The following BEND2 variants were observed in gnomAD, a reference collection of about 807,000 sequenced individuals.
BEND2 encodes BEN domain containing 2, also known as BEN domain-containing protein 2.
In BEND2, 19 loss-of-function variants were observed where a neutral mutation model predicts 43.8. The ratio of observed to expected loss-of-function variants is 0.43; its 90% CI spans 0.30 to 0.64. BEND2 has a LOEUF of 0.64. Among genes scored for constraint, BEND2 ranks in the 30% least tolerant of loss-of-function variants. The pLI, the probability that BEND2 is intolerant of heterozygous loss-of-function variation, is 0.11. For missense variants in BEND2, 544 were observed against 574.0 expected (o/e 0.95, Z 0.53); for synonymous variants, 226 against 210.1 (o/e 1.08, Z -0.66).
Position 18,213,803 on chromosome X carries a change from C to A in BEND2, c.347G>T (p.Trp116Leu). 6.0e-6 allele frequency: 1 copy of A among 167,655 alleles called. No homozygotes were observed. Among genetic ancestry groups the A allele is most frequent in the Non-Finnish European group, 1.2e-5 (1 of 86,445 alleles). 13.8% of individuals were successfully genotyped at this position (167,655 alleles called of 1,213,427 possible). ...QFFHLSLPSSWDDRRTPPCPV... is the reference protein window; with the variant it reads ...QFFHLSLPSSLDDRRTPPCPV... ...GCATGGTGGCGTGCGCCTGTCATCC[C>A]AGCTACTGGGAAGGCTGAGGTGGAA... The change falls in exon 3 of 14, where the codon TGG becomes TTG. Residue 116 changes from tryptophan to leucine, a missense_variant. By Grantham distance (61) the Trp-to-Leu change is moderately conservative (BLOSUM62 -2). Around this residue, in one of 2 missense-constraint regions of BEND2, gnomAD observed 501 missense variants for 501.6 expected, o/e 1.00. Coordinates refer to ENST00000380033, the MANE Select transcript of BEND2 (RefSeq NM_153346.5).
Position 18,165,044 on chromosome X carries a change from G to T in BEND2, c.2365C>A (p.Pro789Thr). The change falls in exon 14 of 14, where the codon CCA becomes ACA. Residue 789 changes from proline to threonine, a missense_variant. Physicochemically the swap from Pro to Thr is conservative, Grantham distance 38. Transcript: ENST00000380033. Reference protein sequence around the residue: ...TPPELEQESKPGDPDATDPST With the variant: ...TPPELEQESKTGDPDATDPST Reference sequence around the variant, plus strand: ...GGGTCAGTGGCGTCGGGATCTCCTGGCTTTGACTCCTGCTCCAGCTCTGGA... The same window carrying T: ...GGGTCAGTGGCGTCGGGATCTCCTGTCTTTGACTCCTGCTCCAGCTCTGGA... 8.3e-7 allele frequency: 1 copy of T among 1,209,900 alleles called. No individual in the cohort carries two copies.
At chrX:18,220,704 A>G in intron 1 of BEND2, 22 bp downstream of exon 1, 1 of 1,210,147 alleles carries the variant, frequency 8.3e-7, no homozygotes, top group Non-Finnish European at 1.1e-6. Context: ...CTAGCGGGCC[A>G]GTTGAGGCGA....
In BEND2 at chrX:18,214,160, C is replaced by G. The variant is rs758509847; in HGVS notation, c.239-249G>C. On this transcript the variant is annotated intron_variant, in intron 2 of 13. Coordinates refer to ENST00000380033, the MANE Select transcript of BEND2 (RefSeq NM_153346.5). The stretch of plus-strand genomic sequence containing the variant: ...ACAAGCCAGGTGTGGTGGCACGTGC[C>G]TATAGTTCCAGCTACACAGGAGCTG... Among the ~76,000 whole-genome samples the G allele has an allele frequency of 6.3e-5, 7 of 110,740 alleles. No homozygotes were observed. In the South Asian group the frequency reaches 2.7e-3, roughly 43 times the overall value.
rs1461556420 is a variant in BEND2 at position 18,163,769 on chromosome X, A to T, written c.*1240T>A. 1 of 112,192 alleles carries T rather than the reference A, an allele frequency of 8.9e-6. No individual in the cohort carries two copies. Among genetic ancestry groups the T allele is most frequent in the Non-Finnish European group, 1.9e-5 (1 of 53,235 alleles). 9.2% of individuals were successfully genotyped at this position (112,192 alleles called of 1,213,427 possible). A position where few individuals can be genotyped will look rare whatever the true frequency, so the allele number is the denominator to read the frequency against. ...CGAACTGTACTTTTCTTTTAAAAAA[A>T]TTTTATTTTTAATTGACAAATAATA... On this transcript the variant is annotated 3_prime_UTR_variant, in exon 14 of 14. Transcript: ENST00000380033.
At chrX:18,195,210 A>C (rs1048220376) in intron 7 of BEND2, 86 bp downstream of exon 7, 11 of 1,007,817 alleles carry the variant, frequency 1.1e-5, no homozygotes, top group Non-Finnish European at 1.3e-5. Context: ...TTAATTTGTA[A>C]AAAGCTACCA....
chrX:18,178,130 G>A (rs5909418), intron 9 of BEND2, among the ~76,000 whole-genome samples: 45,150 of 110,463 alleles, frequency 0.41, 7,201 homozygotes, highest in Non-Finnish European at 0.49. Flanking sequence ...TCCATTTCAC[G>A]CTCTAAGAGT....
intron 4 of BEND2, among the ~76,000 whole-genome samples, chrX:18,208,487 AAT>A (rs758754076): frequency 9.0e-6 from 1 of 110,599 alleles, no homozygotes; most frequent in Admixed American, 9.8e-5. Flanking sequence ...TTCCATCTCA[AAT>A]ATATATATAT....
intron 13 of BEND2, among the ~76,000 whole-genome samples, chrX:18,166,152 T>C (rs1237054936): frequency 8.9e-6 from 1 of 112,125 alleles, no homozygotes; most frequent in Non-Finnish European, 1.9e-5. Context: ...GCTAACATTT[T>C]ATTAACCAAA....
chrX:18,181,235 T>A (rs1012846922), intron 8 of BEND2, among the ~76,000 whole-genome samples: 4 of 111,539 alleles, frequency 3.6e-5, no homozygotes, highest in African/African-American at 1.3e-4. Context: ...TATTATAATT[T>A]AAAATGAGGT....
At position 18,163,769 on chromosome X, in the gene BEND2, A is replaced by G. The variant is rs1461556420; in HGVS notation, c.*1240T>C. 2 of 112,192 alleles carry G rather than the reference A, an allele frequency of 1.8e-5. No individual in the cohort carries two copies. Among genetic ancestry groups the G allele is most frequent in the Non-Finnish European group, 3.8e-5 (2 of 53,235 alleles). 9.2% of individuals were successfully genotyped at this position (112,192 alleles called of 1,213,427 possible). A position where few individuals can be genotyped will look rare whatever the true frequency, so the allele number is the denominator to read the frequency against. ...CGAACTGTACTTTTCTTTTAAAAAA[A>G]TTTTATTTTTAATTGACAAATAATA... On this transcript the variant is annotated 3_prime_UTR_variant, in exon 14 of 14. Coordinates refer to ENST00000380033, the MANE Select transcript of BEND2 (RefSeq NM_153346.5).
chrX:18,220,637 C>T (rs184404034), intron 1 of BEND2, 89 bp downstream of exon 1: 1 of 1,155,879 alleles, frequency 8.7e-7, no homozygotes, highest in East Asian at 3.0e-5. Context: ...CCTGCCGCCC[C>T]TGAATGGCCA....
intron 12 of BEND2, 132 bp from the exon 13 acceptor site, chrX:18,171,336 G>A: frequency 1.4e-6 from 1 of 710,488 alleles, no homozygotes; most frequent in South Asian, 2.9e-5. Context: ...AAAAATTTAA[G>A]GCCTTACATT....
chrX:18,172,006 A>T (rs1364715671), intron 12 of BEND2, among the ~76,000 whole-genome samples: 1 of 111,360 alleles, frequency 9.0e-6, no homozygotes, highest in Non-Finnish European at 1.9e-5. Context: ...AAGTTTTAAG[A>T]CTTTTCATTT....
chrX:18,172,826 G>A (rs1924017162), intron 12 of BEND2, among the ~76,000 whole-genome samples: 1 of 110,948 alleles, frequency 9.0e-6, no homozygotes. Context: ...AATAAATTGG[G>A]GTGCACTTAA....
intron 6 of BEND2, among the ~76,000 whole-genome samples, chrX:18,198,667 A>G (rs1925040351): frequency 9.0e-6 from 1 of 111,313 alleles, no homozygotes; most frequent in Non-Finnish European, 1.9e-5. Flanking sequence ...ATTTAGAACT[A>G]GAAATACCAT....
chrX:18,174,113 T>A lies in BEND2; in HGVS notation c.1898A>T (p.Asn633Ile). The A allele has an allele frequency of 8.3e-7, 1 of 1,211,629 alleles. No individual in the cohort carries two copies. The highest frequency in any genetic ancestry group is 1.1e-6 in the Non-Finnish European group (1 of 895,278). Residue 633 changes from asparagine (N) to isoleucine (I), a missense_variant, in exon 12 of 14, where the codon AAC becomes ATC. Coordinates refer to ENST00000380033, the MANE Select transcript of BEND2 (RefSeq NM_153346.5). ...GATAGCATTACTGTTTGGCTGCAAG[T>A]TCCTCTTTTCTCTCATTTTGGAGTT... is the stretch of plus-strand genomic sequence containing the variant. ...MNNSKMREKR[N>I]LQPNSNAIPE...
intron 1 of BEND2, among the ~76,000 whole-genome samples, chrX:18,219,930 C>A (rs944536950): frequency 1.9e-4 from 21 of 110,697 alleles, no homozygotes; most frequent in Non-Finnish European, 3.6e-4. Context: ...CAAAACAAAA[C>A]CAAGCAAAAA....
At chrX:18,220,592 G>GC (rs748423264) in intron 1 of BEND2, 134 bp downstream of exon 1, 12 of 937,039 alleles carry the variant, frequency 1.3e-5, no homozygotes, top group East Asian at 3.2e-5. Context: ...CCCAGAGGCC[G>GC]CCCCCCGACA....
At chrX:18,195,193 G>A in intron 7 of BEND2, 103 bp downstream of exon 7, 2 of 973,397 alleles carry the variant, frequency 2.1e-6, no homozygotes, top group South Asian at 7.5e-5. Context: ...ACCTCAATAT[G>A]AAAAGTTTAA....
Sources: gnomAD v4.1 joint callset for allele counts (sites outside exome capture counted in the v4.1 genomes callset) on GRCh38, gnomAD v4.1.1 for gene constraint, gnomAD v4.1.1 regional missense constraint, MANE v1.5 for transcripts, NCBI Gene and HGNC (gene_info 2026-07-23, HGNC 2026-07-21) for gene names.